XXYLT1: variants seen among roughly 807,000 people sequenced by gnomAD.
XXYLT1 encodes UDP-xylose:alpha-xyloside alpha-1,3-xylosyltransferase.
A neutral mutation model predicts 28.9 loss-of-function variants in XXYLT1; 20 were observed. The observed-to-expected ratio is 0.69, with a 90% CI of 0.49 to 1.00. The LOEUF is 1.00. Among genes scored for constraint, XXYLT1 ranks in the 50% least tolerant of loss-of-function variants. The pLI is 0.00. For synonymous variants in XXYLT1, 257 were observed against 253.8 expected (o/e 1.01, Z -0.12); for missense variants, 542 against 560.1 (o/e 0.97, Z 0.33).
At chr3:195,111,415 G>C (rs1194743584) in intron 3 of XXYLT1, among the ~76,000 whole-genome samples, 1 of 152,150 alleles carries the variant, frequency 6.6e-6, no homozygotes, top group Non-Finnish European at 1.5e-5. Flanking sequence ...CCATAGCAGA[G>C]AGGGGAGATG....
chr3:195,189,100 A>C (rs1722319231), intron 2 of XXYLT1, among the ~76,000 whole-genome samples: 1 of 152,180 alleles, frequency 6.6e-6, no homozygotes, highest in South Asian at 2.1e-4. Flanking sequence ...CAAATTTCCC[A>C]AGAGCTTTAT....
At chr3:195,169,887 T>TG (rs1191273195) in intron 2 of XXYLT1, among the ~76,000 whole-genome samples, 1 of 148,898 alleles carries the variant, frequency 6.7e-6, no homozygotes, top group Non-Finnish European at 1.5e-5. Context: ...TTTTTTGAGA[T>TG]GGAGTTTTGC....
At chr3:195,246,155 GCTAAAATAAACCCCTTCT>G (rs1725014472) in intron 1 of XXYLT1, among the ~76,000 whole-genome samples, 2 of 152,128 alleles carry the variant, frequency 1.3e-5, no homozygotes, top group African/African-American at 4.8e-5. Flanking sequence ...AGGATAAATG[GCTAAAATAAACCCCTTCT>G]CTCTTTCAAA....
At chr3:195,202,441 G>A (rs1207360963) in intron 2 of XXYLT1, among the ~76,000 whole-genome samples, 3 of 145,512 alleles carry the variant, frequency 2.1e-5, no homozygotes, top group Non-Finnish European at 4.5e-5. Context: ...TAACCTGATA[G>A]AATAATTAAC....
intron 3 of XXYLT1, among the ~76,000 whole-genome samples, chr3:195,079,424 G>A (rs1221666957): frequency 2.6e-5 from 4 of 152,172 alleles, no homozygotes; most frequent in Non-Finnish European, 5.9e-5. Context: ...GAAATACAGG[G>A]AAAACGGCAG....
At chr3:195,143,628 G>A (rs1719603051) in intron 3 of XXYLT1, among the ~76,000 whole-genome samples, 1 of 151,114 alleles carries the variant, frequency 6.6e-6, no homozygotes, top group Non-Finnish European at 1.5e-5. Flanking sequence ...GTAAAAACGT[G>A]TCTTACTTCC....
chr3:195,152,405 A>T (rs1720323230), intron 3 of XXYLT1: 2 of 152,546 alleles, frequency 1.3e-5, no homozygotes, highest in South Asian at 4.1e-4. Flanking sequence ...TGATTTCCAG[A>T]TGGGGAAGGT....
At chr3:195,232,958 C>G (rs1724363309) in intron 1 of XXYLT1, among the ~76,000 whole-genome samples, 1 of 152,096 alleles carries the variant, frequency 6.6e-6, no homozygotes, top group Non-Finnish European at 1.5e-5. Flanking sequence ...GATGATCTGT[C>G]CAATGCTGAA....
rs1326383777 is a variant in XXYLT1 at position 195,255,234 on chromosome 3, G to A, written c.504+15321C>T. Among the ~76,000 whole-genome samples, 4 of 152,218 alleles carry A rather than the reference G, an allele frequency of 2.6e-5. No individual in the cohort carries two copies. The highest frequency in any genetic ancestry group is 7.2e-5 in the African/African-American group (3 of 41,454). On this transcript the variant is annotated intron_variant, in intron 1 of 3. Coordinates refer to ENST00000310380, the MANE Select transcript of XXYLT1 (RefSeq NM_152531.5). This position sits in a 1 kb window ranked among gnomAD's most constrained non-coding sequence, Gnocchi z 4.5. ...TACCATGCTCGCACAACAGGGAGCC[G>A]CCGACCAGGCCTGGAGATCCCTGTG...
intron 2 of XXYLT1, chr3:195,175,636 C>A (rs1364754985): frequency 4.6e-6 from 7 of 1,536,034 alleles, no homozygotes; most frequent in Non-Finnish European, 6.1e-6. Flanking sequence ...CTCACCCGCA[C>A]TCTGCCTTCC....
chr3:195,145,389 C>A (rs1364780664), intron 3 of XXYLT1, among the ~76,000 whole-genome samples: 2 of 142,862 alleles, frequency 1.4e-5, no homozygotes, highest in Non-Finnish European at 3.0e-5. Flanking sequence ...TGGGGCCCTG[C>A]GAGCATCTCT....
intron 1 of XXYLT1, among the ~76,000 whole-genome samples, chr3:195,230,128 G>C (rs1724236707): frequency 6.6e-6 from 1 of 152,172 alleles, no homozygotes; most frequent in African/African-American, 2.4e-5. Flanking sequence ...TTTTTCTGAT[G>C]ATCAATGATG....
At chr3:195,119,945 A>G (rs1003240208) in intron 3 of XXYLT1, among the ~76,000 whole-genome samples, 3 of 151,068 alleles carry the variant, frequency 2.0e-5, no homozygotes, top group Non-Finnish European at 4.4e-5. Flanking sequence ...GGGCGGGGGG[A>G]GCAGCCTGTC....
At position 195,122,087 on chromosome 3, in the gene XXYLT1, T is replaced by C. The variant is rs554074004; in HGVS notation, c.785+34362A>G. 4.3e-6 allele frequency: 3 copies of C among 703,080 alleles called. No homozygotes were observed. In the South Asian group the frequency reaches 4.4e-5, roughly 10 times the overall value. 43.6% of individuals were successfully genotyped at this position (703,080 alleles called of 1,614,324 possible). A position where few individuals can be genotyped will look rare whatever the true frequency, so the allele number is the denominator to read the frequency against. On this transcript the variant is annotated intron_variant, in intron 3 of 3. Coordinates refer to ENST00000310380, the MANE Select transcript of XXYLT1 (RefSeq NM_152531.5). ...CACTGATTCTGTGTCTGGTGAGGAC[T>C]CACTGCCCAGTTCACAGATGGCTGC...
chr3:195,083,887 G>A (rs1027868083), intron 3 of XXYLT1, among the ~76,000 whole-genome samples: 5 of 151,986 alleles, frequency 3.3e-5, no homozygotes, highest in African/African-American at 7.2e-5. Context: ...TCATCCAGGC[G>A]CGGTGGCAGG....
intron 2 of XXYLT1, among the ~76,000 whole-genome samples, chr3:195,197,279 A>T (rs6786163): frequency 0.051 from 7,750 of 152,144 alleles, 590 homozygotes; most frequent in African/African-American, 0.18. Context: ...TCTACTAAAA[A>T]TACAAAAATT....
chr3:195,231,077 A>G (rs1724279893), intron 1 of XXYLT1, among the ~76,000 whole-genome samples: 1 of 151,852 alleles, frequency 6.6e-6, no homozygotes, highest in Non-Finnish European at 1.5e-5. Context: ...TATTGTTTTC[A>G]TCCTAGAGAG....
At chr3:195,080,672 A>T (rs2108646902) in intron 3 of XXYLT1, among the ~76,000 whole-genome samples, 1 of 152,250 alleles carries the variant, frequency 6.6e-6, no homozygotes, top group South Asian at 2.1e-4. Flanking sequence ...GCCAGGACAC[A>T]TGGTGGGGTG....
At chr3:195,241,019 C>T (rs1724752321) in intron 1 of XXYLT1, among the ~76,000 whole-genome samples, 1 of 152,214 alleles carries the variant, frequency 6.6e-6, no homozygotes, top group Admixed American at 6.5e-5. Context: ...AGAAAAGTCA[C>T]TAAGTAAAGA....
Sources: allele counts gnomAD v4.1 joint callset (sites outside exome capture counted in the v4.1 genomes callset), GRCh38; gene constraint gnomAD v4.1.1; non-coding constraint Gnocchi (gnomAD v3.1); transcripts MANE v1.5; gene names NCBI Gene and HGNC (gene_info 2026-07-23, HGNC 2026-07-21).